DNAH12: variants seen among roughly 807,000 people sequenced by gnomAD.
The protein encoded by DNAH12 is axonemal beta dynein heavy chain 12.
Under a neutral mutation model 371.5 loss-of-function variants are expected in DNAH12, and 285 were observed. The observed-to-expected ratio is 0.77, with a 90% CI of 0.70 to 0.85. The LOEUF is 0.85. Ranked by LOEUF, DNAH12 falls within the 40% of genes least tolerant of loss-of-function variation. DNAH12 has a pLI of 0.00. For synonymous variants in DNAH12, 1,200 were observed against 1,213.0 expected (o/e 0.99, Z 0.22); for missense variants, 3,611 against 3,689.4 (o/e 0.98, Z 0.55).
In DNAH12 at chr3:57,419,437, C is replaced by A; in HGVS notation, c.5644G>T (p.Asp1882Tyr). 1 of 1,503,868 alleles carries A rather than the reference C, an allele frequency of 6.6e-7. No individual in the cohort carries two copies. The highest frequency in any genetic ancestry group is 8.9e-7 in the Non-Finnish European group (1 of 1,129,608). 93.2% of individuals were successfully genotyped at this position (1,503,868 alleles called of 1,614,324 possible). A position where few individuals can be genotyped will look rare whatever the true frequency, so the allele number is the denominator to read the frequency against. Residue 1882 changes from aspartate to tyrosine, a missense_variant, in exon 37 of 74, where the codon GAT becomes TAT. By Grantham distance (160) the Asp-to-Tyr change is radical. Transcript: ENST00000495027. ...NLGDKQIKIQ[D>Y]IIVPTMDTIR... The stretch of plus-strand genomic sequence containing the variant: ...GTGTCCATCGTAGGGACTATGATAT[C>A]TTGAATCTTGATTTGTTTATCTCCT...
Position 57,404,962 on chromosome 3 carries a change from TA to T in DNAH12, c.6755+6del. On this transcript the variant is annotated splice_donor_region_variant and intron_variant, in intron 42 of 73. Coordinates refer to ENST00000495027, the MANE Select transcript of DNAH12 (RefSeq NM_001366028.2). ...CAATTTCAAGCATCAACACCATATA[TA>T]GGTACCTAAAAATGACAAGATTCAT... 1 of 1,509,798 alleles carries T rather than the reference TA, an allele frequency of 6.6e-7. No individual in the cohort carries two copies. The highest frequency in any genetic ancestry group is 8.8e-7 in the Non-Finnish European group (1 of 1,133,760). 93.5% of individuals were successfully genotyped at this position (1,509,798 alleles called of 1,614,324 possible).
intron 59 of DNAH12, among the ~76,000 whole-genome samples, chr3:57,354,194 A>G (rs2062744859): frequency 6.6e-6 from 1 of 152,190 alleles, no homozygotes; most frequent in Non-Finnish European, 1.5e-5. Context: ...CAGCCACCAA[A>G]AGGAATGAAC....
intron 25 of DNAH12, 31 bp downstream of exon 25, chr3:57,452,812 A>G: frequency 6.6e-7 from 1 of 1,513,722 alleles, no homozygotes; most frequent in Non-Finnish European, 8.8e-7. Context: ...GTAATTATTA[A>G]TGTGTGAATT....
chr3:57,305,427 C>G (rs2061449114), intron 69 of DNAH12, among the ~76,000 whole-genome samples: 1 of 152,142 alleles, frequency 6.6e-6, no homozygotes, highest in African/African-American at 2.4e-5. Flanking sequence ...TTTATCACCT[C>G]CCCTCCTCAC....
At chr3:57,333,131 A>G (rs13100208) in intron 62 of DNAH12, among the ~76,000 whole-genome samples, 53,385 of 151,258 alleles carry the variant, frequency 0.35, 10,171 homozygotes, top group African/African-American at 0.49. Context: ...ACAGAGTCTC[A>G]CTCTGCCACC....
chr3:57,295,831 G>A (rs1226784194), intron 72 of DNAH12, among the ~76,000 whole-genome samples: 1 of 152,150 alleles, frequency 6.6e-6, no homozygotes, highest in Non-Finnish European at 1.5e-5. Context: ...TTTAATGATT[G>A]TCCATGTGGC....
intron 11 of DNAH12, among the ~76,000 whole-genome samples, chr3:57,494,554 C>T (rs1006191710): frequency 6.6e-6 from 1 of 151,764 alleles, no homozygotes; most frequent in African/African-American, 2.4e-5. Flanking sequence ...AGAGTGAGAC[C>T]CTGTCTAAAA....
chr3:57,468,098 A>G (rs966623713), intron 17 of DNAH12, among the ~76,000 whole-genome samples: 7 of 152,146 alleles, frequency 4.6e-5, no homozygotes, highest in African/African-American at 1.7e-4. Context: ...TTGAGTCCAG[A>G]GCTTGACCAA....
intron 10 of DNAH12, among the ~76,000 whole-genome samples, chr3:57,501,945 C>T (rs924969243): frequency 6.6e-6 from 1 of 151,114 alleles, no homozygotes; most frequent in Non-Finnish European, 1.5e-5. Flanking sequence ...CTCGCTCTAT[C>T]GCCCAGGCTG....
At chr3:57,474,934 C>T (rs1231486247) in intron 13 of DNAH12, among the ~76,000 whole-genome samples, 1 of 150,816 alleles carries the variant, frequency 6.6e-6, no homozygotes, top group Non-Finnish European at 1.5e-5. Context: ...TGGGATCGCG[C>T]CATTGCACTC....
At position 57,403,339 on chromosome 3, in the gene DNAH12, A is replaced by G; in HGVS notation, c.6918T>C (p.Tyr2306=). Residue 2306 remains tyrosine (Y), a synonymous_variant, in exon 43 of 74, where the codon TAT becomes TAC. Transcript: ENST00000495027. ...HIFQPEISKS[Y]GMNEWREDMK... is the part of the protein sequence containing the mutation. ...TATCCTCTCTCCATTCATTCATACCATAGCTCTTAGAAATTTCTGGTTGGA... is the reference window on the plus strand; with the variant it reads ...TATCCTCTCTCCATTCATTCATACCGTAGCTCTTAGAAATTTCTGGTTGGA... The G allele has an allele frequency of 6.4e-7, 1 of 1,551,026 alleles. No individual in the cohort carries two copies. The highest frequency in any genetic ancestry group is 8.7e-7 in the Non-Finnish European group (1 of 1,146,760).
intron 9 of DNAH12, 87 bp downstream of exon 9, chr3:57,503,929 G>T: frequency 9.6e-7 from 1 of 1,041,188 alleles, no homozygotes; most frequent in Non-Finnish European, 1.3e-6. Context: ...AACAGAAAGA[G>T]TCATAACATT....
At chr3:57,422,231 AT>A (rs111276086) in intron 35 of DNAH12, among the ~76,000 whole-genome samples, 4 of 147,182 alleles carry the variant, frequency 2.7e-5, no homozygotes, top group African/African-American at 5.0e-5. Context: ...ATCAAAAAAA[AT>A]TTTTTTTTCT....
intron 45 of DNAH12, among the ~76,000 whole-genome samples, chr3:57,389,798 A>ATGTGTGTGTGTGTGTGTG (rs1211815764): frequency 0.011 from 1,003 of 91,816 alleles, 31 homozygotes; most frequent in East Asian, 0.068. Context: ...ATATACACAT[A>ATGTGTGTGTGTGTGTGTG]TGTGTGTGTG....
chr3:57,476,123 C>A (rs2153381866), intron 13 of DNAH12, among the ~76,000 whole-genome samples: 1 of 152,138 alleles, frequency 6.6e-6, no homozygotes, highest in South Asian at 2.1e-4. Context: ...AATGACATTA[C>A]TAACATAACA....
chr3:57,354,855 T>TA (rs1200431804), intron 59 of DNAH12, among the ~76,000 whole-genome samples: 1 of 152,068 alleles, frequency 6.6e-6, no homozygotes, highest in African/African-American at 2.4e-5. Context: ...TTATGCTGAG[T>TA]AAAAAAAGCC....
At chr3:57,406,313 C>T (rs369353673) in intron 40 of DNAH12, among the ~76,000 whole-genome samples, 4 of 143,072 alleles carry the variant, frequency 2.8e-5, no homozygotes, top group South Asian at 2.3e-4. Flanking sequence ...GCCAAGATCA[C>T]GCCATTGCAC....
chr3:57,402,371 G>A, intron 43 of DNAH12: 1 of 1,303,712 alleles, frequency 7.7e-7, no homozygotes, highest in Non-Finnish European at 1.0e-6. Context: ...GGCATATAAG[G>A]ACGAAGCCCC....
intron 11 of DNAH12, among the ~76,000 whole-genome samples, chr3:57,492,221 G>C (rs1227081725): frequency 6.6e-6 from 1 of 152,020 alleles, no homozygotes; most frequent in Non-Finnish European, 1.5e-5. Flanking sequence ...AGCACTTTGG[G>C]AGGCTGGGGC....
Sources: gnomAD v4.1 joint callset for allele counts (sites outside exome capture counted in the v4.1 genomes callset) on GRCh38, gnomAD v4.1.1 for gene constraint, MANE v1.5 for transcripts, NCBI Gene and HGNC (gene_info 2026-07-23, HGNC 2026-07-21) for gene names.